FOXP1: variants seen among roughly 807,000 people sequenced by gnomAD.
FOXP1 encodes forkhead box P1, also known as forkhead box protein P1.
A neutral mutation model predicts 98.2 loss-of-function variants in FOXP1; 15 were observed. The observed-to-expected ratio is 0.15, with a 90% confidence interval of 0.10 to 0.24. FOXP1 has a LOEUF of 0.24. FOXP1 is among the 10% of genes least tolerant of loss of function. FOXP1 has a pLI of 1.00. For missense variants in FOXP1, 633 were observed against 848.5 expected, an observed-to-expected ratio of 0.75 and a Z score of 3.15; for synonymous variants, 371 against 314.5, an observed-to-expected ratio of 1.18 and a Z score of -1.90.
chr3:71,419,108 C>T (rs1296226011), intron 3 of FOXP1, among the ~76,000 whole-genome samples: 1 of 151,444 alleles, frequency 6.6e-6, no homozygotes, highest in Non-Finnish European at 1.5e-5. Flanking sequence ...TGGTGGTAGG[C>T]ACCTGTAATC....
chr3:71,063,724 G>A (rs556622556), intron 7 of FOXP1, among the ~76,000 whole-genome samples: 152 of 152,230 alleles, frequency 1.0e-3, no homozygotes, highest in African/African-American at 3.4e-3. Context: ...TAGAATGCTG[G>A]AATCTATGGA....
intron 4 of FOXP1, among the ~76,000 whole-genome samples, chr3:71,324,207 A>T (rs1346721745): frequency 1.3e-5 from 2 of 151,976 alleles, no homozygotes; most frequent in African/African-American, 4.8e-5. Flanking sequence ...AGACACACAC[A>T]TGTTGTTTAG....
chr3:71,237,826 G>T (rs1041754998), intron 5 of FOXP1, among the ~76,000 whole-genome samples: 1 of 152,186 alleles, frequency 6.6e-6, no homozygotes, highest in Admixed American at 6.5e-5. Flanking sequence ...AGTAAGGAAG[G>T]CTTCAATCAA....
At chr3:71,460,919 C>T (rs969897038) in intron 3 of FOXP1, among the ~76,000 whole-genome samples, 1 of 152,120 alleles carries the variant, frequency 6.6e-6, no homozygotes, top group African/African-American at 2.4e-5. Flanking sequence ...TTAGAACTGT[C>T]TGATGGTGGT....
intron 3 of FOXP1, among the ~76,000 whole-genome samples, chr3:71,492,673 A>G (rs2091147275): frequency 6.6e-6 from 1 of 152,176 alleles, no homozygotes; most frequent in Non-Finnish European, 1.5e-5. Flanking sequence ...AAGGTTCTCC[A>G]TGAAACTGAC....
intron 7 of FOXP1, among the ~76,000 whole-genome samples, chr3:71,076,987 G>T (rs1559880153): frequency 6.6e-6 from 1 of 152,210 alleles, no homozygotes; most frequent in Non-Finnish European, 1.5e-5. Flanking sequence ...TTCACACAGG[G>T]ATTGGAAACA....
chr3:71,058,605 G>GAA lies in FOXP1; in HGVS notation c.283-4834_283-4833dup, dbSNP rs747147944. On this transcript the variant is annotated intron_variant, in intron 7 of 20. Transcript: ENST00000649528. ...TAGCTCCATTAAAAGAGAGAGAGGAGAAAAAAAAAAAAAAACTATGCCAAG... is the reference window on the plus strand; with the variant it reads ...TAGCTCCATTAAAAGAGAGAGAGGAGAAAAAAAAAAAAAAAAACTATGCCAAG... Among the ~76,000 whole-genome samples, 771 of 104,064 alleles carry GAA rather than the reference G, an allele frequency of 7.4e-3. 2 individuals are homozygous for GAA. The highest frequency in any genetic ancestry group is 0.012 in the Non-Finnish European group (578 of 49,032). The allele number at this position is 104,064 out of a possible 152,430, so 68.3% of individuals were successfully genotyped here. A position where few individuals can be genotyped will look rare whatever the true frequency, so the allele number is the denominator to read the frequency against.
At chr3:71,140,968 G>C (rs1057165573) in intron 6 of FOXP1, among the ~76,000 whole-genome samples, 2 of 151,252 alleles carry the variant, frequency 1.3e-5, no homozygotes, top group Admixed American at 6.6e-5. Flanking sequence ...AAAAAAAATT[G>C]CCAAGAAACT....
intron 6 of FOXP1, among the ~76,000 whole-genome samples, chr3:71,141,204 G>T (rs2060051756): frequency 6.8e-6 from 1 of 146,992 alleles, no homozygotes; most frequent in African/African-American, 2.5e-5. Context: ...GAAGGTGGAG[G>T]TTGCAGTGAG....
intron 18 of FOXP1, 161 bp downstream of exon 18, chr3:70,972,394 G>T: frequency 1.9e-6 from 2 of 1,067,228 alleles, no homozygotes; most frequent in Non-Finnish European, 2.9e-6. Flanking sequence ...GGACTGGTGG[G>T]TATACAAAAC....
chr3:71,196,378 C>T (rs940318583), intron 6 of FOXP1, among the ~76,000 whole-genome samples: 15 of 151,896 alleles, frequency 9.9e-5, no homozygotes, highest in African/African-American at 2.7e-4. Flanking sequence ...TGTGTGTGGG[C>T]GCATGTGTGT....
intron 3 of FOXP1, among the ~76,000 whole-genome samples, chr3:71,465,929 C>G (rs1213735254): frequency 6.6e-6 from 1 of 152,152 alleles, no homozygotes; most frequent in Non-Finnish European, 1.5e-5. Flanking sequence ...TTATGAGAAC[C>G]TAACTAATGC....
chr3:71,108,905 C>A (rs2057673797), intron 7 of FOXP1, among the ~76,000 whole-genome samples: 1 of 152,224 alleles, frequency 6.6e-6, no homozygotes, highest in Non-Finnish European at 1.5e-5. Context: ...ACACCAGCAC[C>A]ATGCCCAGCC....
intron 6 of FOXP1, among the ~76,000 whole-genome samples, chr3:71,127,972 G>GA (rs1186121518): frequency 4.6e-5 from 7 of 152,196 alleles, no homozygotes; most frequent in Non-Finnish European, 5.9e-5. Context: ...CAATACTCAT[G>GA]AAAGTTGCAC....
intron 7 of FOXP1, among the ~76,000 whole-genome samples, chr3:71,102,226 G>A (rs1307948871): frequency 6.6e-6 from 1 of 152,110 alleles, no homozygotes; most frequent in Non-Finnish European, 1.5e-5. Flanking sequence ...CAGACAGTCT[G>A]GAAATAGCCG....
chr3:71,332,570 C>A (rs146267316), intron 4 of FOXP1: 1 of 152,354 alleles, frequency 6.6e-6, no homozygotes, highest in Non-Finnish European at 1.5e-5. Flanking sequence ...TCTGTCTTGA[C>A]TAAAAATATA....
At chr3:71,000,186 T>TA (rs995382986) in intron 13 of FOXP1, among the ~76,000 whole-genome samples, 1 of 150,500 alleles carries the variant, frequency 6.6e-6, no homozygotes, top group Non-Finnish European at 1.5e-5. Context: ...AACTCACATT[T>TA]AAAAAAAAAG....
At chr3:71,149,542 T>C (rs1274399740) in intron 6 of FOXP1, among the ~76,000 whole-genome samples, 1 of 152,232 alleles carries the variant, frequency 6.6e-6, no homozygotes, top group Non-Finnish European at 1.5e-5. Flanking sequence ...ATGTATCAAG[T>C]ATTTTTTAGA....
chr3:71,180,978 G>T (rs2062255229), intron 6 of FOXP1, among the ~76,000 whole-genome samples: 1 of 152,146 alleles, frequency 6.6e-6, no homozygotes, highest in Admixed American at 6.5e-5. Flanking sequence ...TGGTAAATTG[G>T]GGCACTAATT....
Sources: allele counts gnomAD v4.1 joint callset (sites outside exome capture counted in the v4.1 genomes callset), GRCh38; gene constraint gnomAD v4.1.1; transcripts MANE v1.5; gene names NCBI Gene and HGNC (gene_info 2026-07-23, HGNC 2026-07-21).